Variants in HTT observed in about 807,000 individuals in gnomAD.
The protein encoded by HTT is huntington disease protein.
Under a neutral mutation model 362.3 loss-of-function variants are expected in HTT, and 104 were observed. The ratio of observed to expected loss-of-function variants is 0.29; its 90% CI spans 0.24 to 0.34. HTT has a LOEUF of 0.34. Among genes scored for constraint, HTT ranks in the 10% least tolerant of loss-of-function variants. The pLI, the probability that HTT is intolerant of heterozygous loss-of-function variation, is 1.00. For missense variants in HTT, 3,301 were observed against 3,928.6 expected, an observed-to-expected ratio of 0.84 and a Z score of 4.27; for synonymous variants, 1,577 against 1,548.7, an observed-to-expected ratio of 1.02 and a Z score of -0.43.
At position 3,154,428 on chromosome 4, in the gene HTT, C is replaced by G. The variant is rs368462652; in HGVS notation, c.3625+9C>G. 1.1e-5 allele frequency: 17 copies of G among 1,612,958 alleles called. No homozygotes were observed. On this transcript the variant is annotated intron_variant, in intron 27 of 66. Coordinates refer to ENST00000355072, the MANE Select transcript of HTT (RefSeq NM_001388492.1). Reference sequence around the variant, plus strand: ...CAGTGAGGCCAGTGCAGGTAGGAAACAGCGTGGGGAAGGGAGGGACATGAG... The same window carrying G: ...CAGTGAGGCCAGTGCAGGTAGGAAAGAGCGTGGGGAAGGGAGGGACATGAG...
In HTT at chr4:3,132,796, G is replaced by A. The variant is rs745862632; in HGVS notation, c.2396-18G>A. The A allele has an allele frequency of 5.6e-6, 9 of 1,613,028 alleles. No individual in the cohort carries two copies. Among genetic ancestry groups the A allele is most frequent in the South Asian group, 2.2e-5 (2 of 91,066 alleles). The stretch of plus-strand genomic sequence containing the variant: ...TTAAGTTTAGATGATGATGTTTGTT[G>A]CTTGTTCTTCTGGTTAGGAAATACA... On this transcript the variant is annotated intron_variant, in intron 17 of 66. Coordinates refer to ENST00000355072, the MANE Select transcript of HTT (RefSeq NM_001388492.1).
intron 26 of HTT, 33 bp downstream of exon 26, chr4:3,148,240 G>GCA: frequency 6.8e-7 from 1 of 1,462,552 alleles, no homozygotes; most frequent in Non-Finnish European, 9.3e-7. Context: ...GATTCATACA[G>GCA]CCTTAATGAC....
chr4:3,236,378 C>T (rs772038848), intron 64 of HTT, 124 bp downstream of exon 64: 53 of 738,688 alleles, frequency 7.2e-5, no homozygotes, highest in Non-Finnish European at 9.7e-5. Context: ...TGATTCCCCA[C>T]CACAGCCTGA....
At chr4:3,117,730 G>T (rs1044152489) in intron 8 of HTT, among the ~76,000 whole-genome samples, 1 of 152,060 alleles carries the variant, frequency 6.6e-6, no homozygotes, top group African/African-American at 2.4e-5. Flanking sequence ...CTACTTGGGA[G>T]GCTGAGATGG....
intron 42 of HTT, among the ~76,000 whole-genome samples, chr4:3,205,010 A>G (rs1388646979): frequency 6.6e-6 from 1 of 152,210 alleles, no homozygotes; most frequent in Non-Finnish European, 1.5e-5. Flanking sequence ...GTTAATTTGT[A>G]GAAAAGGTGT....
Position 3,138,931 on chromosome 4 carries a change from A to T in HTT, c.2799-1579A>T, listed in dbSNP as rs555218615. Among the ~76,000 whole-genome samples, 5 of 152,254 alleles carry T rather than the reference A, an allele frequency of 3.3e-5. No individual in the cohort carries two copies. The East Asian group carries it at 7.7e-4, about 24-fold the overall frequency. ...CCCGGCTGATATTTCTTTTTAAAAT[A>T]ACTTACCTTCTTTTGAAAGTAATAC... On this transcript the variant is annotated intron_variant, in intron 21 of 66. Transcript: ENST00000355072.
At chr4:3,079,245 A>G (rs970155933) in intron 1 of HTT, among the ~76,000 whole-genome samples, 28 of 139,064 alleles carry the variant, frequency 2.0e-4, no homozygotes, top group Admixed American at 9.2e-4. Flanking sequence ...CTGAGAAGAC[A>G]GCTTTTTTTT....
Position 3,217,949 on chromosome 4 carries a change from A to G in HTT, c.7239A>G (p.Pro2413=), listed in dbSNP as rs1184986380. Residue 2413 remains proline (P), a synonymous_variant, in exon 52 of 67, where the codon CCA becomes CCG. Coordinates refer to ENST00000355072, the MANE Select transcript of HTT (RefSeq NM_001388492.1). The part of the protein sequence containing the change: ...PLVNSYTRVP[P]LVWKLGWSPK... ...TCAACAGCTACACACGTGTGCCCCC[A>G]CTGGTGAGTCTGCTCGTTCCTTGCA... 1.2e-6 allele frequency: 2 copies of G among 1,606,672 alleles called. No individual in the cohort carries two copies. The highest frequency in any genetic ancestry group is 1.7e-5 in the Admixed American group (1 of 59,672).
At chr4:3,099,065 C>T (rs1714011913) in intron 2 of HTT, among the ~76,000 whole-genome samples, 1 of 151,994 alleles carries the variant, frequency 6.6e-6, no homozygotes, top group Non-Finnish European at 1.5e-5. Flanking sequence ...TATTATCATC[C>T]TAATTTAGTG....
Position 3,166,227 on chromosome 4 carries a change from G to A in HTT, c.3864+5835G>A, listed in dbSNP as rs1717699841. ...GTCCACTCCAGGCCCTGTTTGCCTGGGCATCACCAGCAGAGGCTGCAGAAC... is the reference window on the plus strand; with the variant it reads ...GTCCACTCCAGGCCCTGTTTGCCTGAGCATCACCAGCAGAGGCTGCAGAAC... On this transcript the variant is annotated intron_variant, in intron 29 of 66. Transcript: ENST00000355072. 3.3e-5 allele frequency among the ~76,000 whole-genome samples: 5 copies of A among 152,290 alleles called. No homozygotes were observed. In the South Asian group the frequency reaches 1.0e-3, roughly 32 times the overall value.
At chr4:3,232,692 A>C (rs1223822557) in intron 60 of HTT, among the ~76,000 whole-genome samples, 1 of 152,276 alleles carries the variant, frequency 6.6e-6, no homozygotes, top group Non-Finnish European at 1.5e-5. Context: ...CGATGTCCCG[A>C]GGACACCAGG....
Position 3,146,761 on chromosome 4 carries a change from T to G in HTT, c.3144-36T>G, listed in dbSNP as rs182896671. 2.4e-4 allele frequency: 388 copies of G among 1,597,936 alleles called. 2 individuals carry two copies. The African/African-American group carries it at 4.5e-3, about 19-fold the overall frequency. ...GGAAGACTGTTGTTTGCTTAAAAAT[T>G]GTCTATAATTTGACTTTGCAAATGT... On this transcript the variant is annotated intron_variant, in intron 24 of 66. Transcript: ENST00000355072.
At chr4:3,077,467 T>C (rs1404938938) in intron 1 of HTT, among the ~76,000 whole-genome samples, 1 of 152,196 alleles carries the variant, frequency 6.6e-6, no homozygotes, top group African/African-American at 2.4e-5. Context: ...TCACCCAGGC[T>C]GGAGTGCAGT....
intron 53 of HTT, 145 bp from the exon 54 acceptor site, chr4:3,222,242 C>A: frequency 1.6e-6 from 1 of 629,054 alleles, no homozygotes; most frequent in East Asian, 2.7e-5. Flanking sequence ...TTCCCCGCAT[C>A]ATAGAACTGT....
At position 3,187,682 on chromosome 4, in the gene HTT, C is replaced by T. The variant is rs753577443; in HGVS notation, c.5021C>T (p.Ser1674Leu). Reference sequence around the variant, plus strand: ...GTGAGCACTGTTCAACTGTGGATATCGGGAATTCTGGCCATTTTGAGGGTT... The same window carrying T: ...GTGAGCACTGTTCAACTGTGGATATTGGGAATTCTGGCCATTTTGAGGGTT... Reference protein sequence around the residue: ...ASVSTVQLWISGILAILRVLI... With the variant: ...ASVSTVQLWILGILAILRVLI... The change falls in exon 39 of 67, where the codon TCG becomes TTG. Residue 1674 changes from serine to leucine, a missense_variant. By Grantham distance (145) the Ser-to-Leu change is moderately radical (BLOSUM62 -2). Around this residue, in one of 4 missense-constraint regions of HTT, gnomAD observed 2,316 missense variants for 2,658.5 expected, o/e 0.87. Transcript: ENST00000355072. 5.6e-6 allele frequency: 9 copies of T among 1,613,872 alleles called. No homozygotes were observed. Among genetic ancestry groups the T allele is most frequent in the Middle Eastern group, 1.6e-4 (1 of 6,084 alleles).
At chr4:3,163,932 C>T (rs929017180) in intron 29 of HTT, among the ~76,000 whole-genome samples, 1 of 151,652 alleles carries the variant, frequency 6.6e-6, no homozygotes, top group African/African-American at 2.4e-5. Context: ...TCCTTCAGTT[C>T]TGCTCTGATC....
rs772429544 is a variant in HTT at position 3,074,945 on chromosome 4, A to ACCG, written c.141_143dup (p.Pro49dup). 239 of 1,214,690 alleles carry ACCG rather than the reference A, an allele frequency of 2.0e-4. 13 individuals carry two copies. The highest frequency in any genetic ancestry group is 4.6e-4 in the East Asian group (15 of 32,546). 75.2% of individuals were successfully genotyped at this position (1,214,690 alleles called of 1,614,324 possible). A position where few individuals can be genotyped will look rare whatever the true frequency, so the allele number is the denominator to read the frequency against. On this transcript the variant is annotated inframe_insertion, in exon 1 of 67. Coordinates refer to ENST00000355072, the MANE Select transcript of HTT (RefSeq NM_001388492.1). ...AGCAGCAGCAGCAGCAACAGCCGCC[A>ACCG]CCGCCGCCGCCGCCGCCGCCGCCTC...
chr4:3,094,992 C>T (rs912206144), intron 2 of HTT, among the ~76,000 whole-genome samples: 5 of 152,062 alleles, frequency 3.3e-5, no homozygotes, highest in African/African-American at 4.8e-5. Flanking sequence ...AGATGCTCCT[C>T]ACTTCCTAGA....
At chr4:3,151,404 G>A (rs1716885847) in intron 26 of HTT, among the ~76,000 whole-genome samples, 1 of 152,004 alleles carries the variant, frequency 6.6e-6, no homozygotes, top group African/African-American at 2.4e-5. Context: ...TTGAGAGGGA[G>A]AGAGGAGGGA....
Sources: gnomAD v4.1 joint callset for allele counts (sites outside exome capture counted in the v4.1 genomes callset) on GRCh38, gnomAD v4.1.1 for gene constraint, gnomAD v4.1.1 regional missense constraint, MANE v1.5 for transcripts, NCBI Gene and HGNC (gene_info 2026-07-23, HGNC 2026-07-21) for gene names.